Variants in TFDP2 observed in about 807,000 individuals in gnomAD.
TFDP2 encodes the protein transcription factor Dp-2.
TFDP2 carries 17 observed loss-of-function variants against 59.3 expected under a neutral mutation model. The ratio of observed to expected loss-of-function variants is 0.29; its 90% CI spans 0.20 to 0.43. The LOEUF is 0.43. Ranked by LOEUF, TFDP2 falls within the 20% of genes least tolerant of loss-of-function variation. The probability of loss-of-function intolerance (pLI) is 1.00; values close to 1 mark genes in which losing one functional copy is unlikely to be tolerated. For missense variants in TFDP2, 391 were observed against 528.8 expected (o/e 0.74, Z 2.56); for synonymous variants, 180 against 194.7 (o/e 0.92, Z 0.63).
chr3:142,001,776 C>T (rs929512614), intron 4 of TFDP2, among the ~76,000 whole-genome samples: 16 of 152,172 alleles, frequency 1.1e-4, no homozygotes, highest in Admixed American at 9.2e-4. Context: ...GACCAAATAT[C>T]CAATTTCACG....
At chr3:142,040,723 C>T (rs962474282) in intron 3 of TFDP2, among the ~76,000 whole-genome samples, 1 of 152,120 alleles carries the variant, frequency 6.6e-6, no homozygotes, top group Non-Finnish European at 1.5e-5. Context: ...AGCCATCACG[C>T]CCAGCTAAAA....
chr3:142,063,021 C>CTTT (rs1405451571), intron 3 of TFDP2, among the ~76,000 whole-genome samples: 1 of 152,110 alleles, frequency 6.6e-6, no homozygotes, highest in Non-Finnish European at 1.5e-5. Flanking sequence ...TATTCTGCTT[C>CTTT]TAGATATGAG....
intron 9 of TFDP2, among the ~76,000 whole-genome samples, chr3:141,968,372 A>ATAAT (rs1169320936): frequency 8.4e-6 from 1 of 118,378 alleles, no homozygotes; most frequent in East Asian, 2.2e-4. Context: ...TCTCATATAT[A>ATAAT]ACATATATCT....
At chr3:142,034,544 CA>C (rs1331392334) in intron 3 of TFDP2, among the ~76,000 whole-genome samples, 2 of 152,140 alleles carry the variant, frequency 1.3e-5, no homozygotes, top group Non-Finnish European at 2.9e-5. Flanking sequence ...AACAAAAACC[CA>C]ATTTGGCTTC....
chr3:142,027,883 G>A (rs1204819154), intron 3 of TFDP2, among the ~76,000 whole-genome samples: 2 of 151,984 alleles, frequency 1.3e-5, no homozygotes, highest in African/African-American at 2.4e-5. Flanking sequence ...ACCCCAAGAG[G>A]CAGACACCAA....
intron 6 of TFDP2, among the ~76,000 whole-genome samples, chr3:141,988,812 G>A (rs1007368993): frequency 4.0e-5 from 6 of 151,448 alleles, no homozygotes; most frequent in South Asian, 2.1e-4. Context: ...ACAGGCACGC[G>A]CCACCATGCC....
intron 11 of TFDP2, among the ~76,000 whole-genome samples, chr3:141,958,947 C>CT (rs984082447): frequency 0.02 from 2,078 of 103,604 alleles, 64 homozygotes; most frequent in African/African-American, 0.039. Flanking sequence ...GATGTACCTA[C>CT]TTTTTTTTTT....
chr3:142,100,851 G>C (rs1450081000), intron 2 of TFDP2, among the ~76,000 whole-genome samples: 1 of 152,188 alleles, frequency 6.6e-6, no homozygotes, highest in Non-Finnish European at 1.5e-5. Flanking sequence ...AGAGAGATGA[G>C]AAATGAAAAC....
intron 3 of TFDP2, among the ~76,000 whole-genome samples, chr3:142,075,294 C>T (rs2060403442): frequency 6.6e-6 from 1 of 152,096 alleles, no homozygotes; most frequent in Non-Finnish European, 1.5e-5. Flanking sequence ...AAAATATCTG[C>T]AAATGATATA....
intron 7 of TFDP2, among the ~76,000 whole-genome samples, chr3:141,976,762 C>G (rs1025817819): frequency 1.1e-4 from 17 of 150,000 alleles, no homozygotes; most frequent in African/African-American, 3.7e-4. Context: ...GGCTTTCACT[C>G]AGAAACAGAA....
At chr3:142,086,733 G>A (rs985749138) in intron 3 of TFDP2, among the ~76,000 whole-genome samples, 3 of 151,996 alleles carry the variant, frequency 2.0e-5, no homozygotes, top group African/African-American at 7.3e-5. Flanking sequence ...TCATCACAGA[G>A]GTATGATTAA....
intron 10 of TFDP2, among the ~76,000 whole-genome samples, chr3:141,961,227 G>GTTTTTTT (rs1937302627): frequency 7.1e-6 from 1 of 140,144 alleles, no homozygotes; most frequent in African/African-American, 2.7e-5. Flanking sequence ...AGAATTCTCA[G>GTTTTTTT]TTTTTTGTTG....
chr3:142,021,686 A>T (rs1945622325), intron 3 of TFDP2, among the ~76,000 whole-genome samples: 1 of 152,176 alleles, frequency 6.6e-6, no homozygotes, highest in South Asian at 2.1e-4. Flanking sequence ...GAAAGGAGAA[A>T]AACATTTTTT....
At chr3:142,052,544 GA>G (rs1245578353) in intron 3 of TFDP2, among the ~76,000 whole-genome samples, 195 of 143,268 alleles carry the variant, frequency 1.4e-3, no homozygotes, top group African/African-American at 3.9e-3. Flanking sequence ...CTGTCTCAAA[GA>G]AAAAAAAAAA....
rs147760221 is a variant in TFDP2, at chr3:142,045,698, C to T, written c.83-40154G>A. On this transcript the variant is annotated intron_variant, in intron 3 of 12. Transcript: ENST00000489671. ...CAGTATCTCAGCTCACTGCAACCTC[C>T]GCCTCCCGGGTTCAAAGGATTCTTC... is the stretch of plus-strand genomic sequence containing the variant. Among the ~76,000 whole-genome samples, 176 of 149,206 alleles carry T rather than the reference C, an allele frequency of 1.2e-3. 1 individual carries two copies. Among genetic ancestry groups the T allele is most frequent in the Non-Finnish European group, 1.8e-3 (123 of 66,976 alleles).
intron 3 of TFDP2, among the ~76,000 whole-genome samples, chr3:142,063,156 T>C (rs1179318789): frequency 6.6e-6 from 1 of 152,210 alleles, no homozygotes; most frequent in Non-Finnish European, 1.5e-5. Flanking sequence ...CATGGATATG[T>C]TACAAATACA....
At chr3:142,035,813 C>A (rs1576793990) in intron 3 of TFDP2, among the ~76,000 whole-genome samples, 1 of 152,212 alleles carries the variant, frequency 6.6e-6, no homozygotes, top group African/African-American at 2.4e-5. Flanking sequence ...TAAGACATGA[C>A]TTGCTCCTTC....
intron 2 of TFDP2, chr3:142,093,859 A>G: frequency 2.5e-6 from 1 of 394,520 alleles, no homozygotes; most frequent in South Asian, 2.0e-5. Flanking sequence ...ACCAGTACTT[A>G]GCAATTCAGG....
chr3:142,131,424 A>G (rs998874336), intron 1 of TFDP2, among the ~76,000 whole-genome samples: 1 of 150,246 alleles, frequency 6.7e-6, no homozygotes, highest in Non-Finnish European at 1.5e-5. Flanking sequence ...CAGGGCACAT[A>G]AAATGTGAGT....
Sources: allele counts gnomAD v4.1 joint callset (sites outside exome capture counted in the v4.1 genomes callset), GRCh38; gene constraint gnomAD v4.1.1; transcripts MANE v1.5; gene names NCBI Gene and HGNC (gene_info 2026-07-23, HGNC 2026-07-21).